Variants in CSMD1 observed in about 807,000 individuals in gnomAD.
The protein encoded by CSMD1 is CUB and Sushi multiple domains 1.
A neutral mutation model predicts 417.5 loss-of-function variants in CSMD1; 213 were observed. That is an observed-to-expected ratio of 0.51 (90% CI 0.46 to 0.57). The LOEUF (loss-of-function observed/expected upper bound fraction) is 0.57, where lower values mean the gene tolerates loss of function less well. CSMD1 is among the 20% of genes least tolerant of loss of function. The pLI is 0.00. For synonymous variants in CSMD1, 2,862 were observed against 1,736.8 expected, an observed-to-expected ratio of 1.65 and a Z score of -16.11; for missense variants, 6,923 against 4,529.7, an observed-to-expected ratio of 1.53 and a Z score of -15.17.
intron 4 of CSMD1, among the ~76,000 whole-genome samples, chr8:4,009,324 T>C (rs1286574947): frequency 6.6e-6 from 1 of 152,230 alleles, no homozygotes; most frequent in Non-Finnish European, 1.5e-5. Context: ...GGTATAAAAC[T>C]TGCTGGAAAT....
chr8:4,987,913 G>A (rs768315968), intron 1 of CSMD1, among the ~76,000 whole-genome samples: 4 of 152,142 alleles, frequency 2.6e-5, no homozygotes, highest in South Asian at 2.1e-4. Context: ...GTGGTTTTCC[G>A]GGGTGTCTTG....
intron 12 of CSMD1, among the ~76,000 whole-genome samples, chr8:3,416,302 CAAAAAAA>C (rs11358404): frequency 3.4e-5 from 2 of 58,892 alleles, no homozygotes; most frequent in African/African-American, 1.3e-4. Context: ...GACTCCGTCT[CAAAAAAA>C]AAAAAAAAAA....
At chr8:3,479,146 G>C (rs1196350512) in intron 11 of CSMD1, among the ~76,000 whole-genome samples, 1 of 152,092 alleles carries the variant, frequency 6.6e-6, no homozygotes, top group Non-Finnish European at 1.5e-5. Context: ...GCCTCCAATA[G>C]TCAAATTATC....
At chr8:3,954,497 G>C (rs936246111) in intron 5 of CSMD1, among the ~76,000 whole-genome samples, 6 of 152,186 alleles carry the variant, frequency 3.9e-5, no homozygotes, top group African/African-American at 9.7e-5. Context: ...TTCCTGAGTA[G>C]CTGGGATTAC....
chr8:4,842,230 A>T (rs1314889692), intron 1 of CSMD1, among the ~76,000 whole-genome samples: 1 of 152,224 alleles, frequency 6.6e-6, no homozygotes, highest in Non-Finnish European at 1.5e-5. Context: ...GAATTAAGGG[A>T]ACCAGGGAAG....
At chr8:4,712,556 T>C (rs1268426803) in intron 1 of CSMD1, among the ~76,000 whole-genome samples, 2 of 152,164 alleles carry the variant, frequency 1.3e-5, no homozygotes, top group Admixed American at 6.5e-5. Context: ...GTAAGTGAAA[T>C]AGAAGAGAAC....
intron 6 of CSMD1, 58 bp downstream of exon 6, chr8:3,753,872 G>C (rs987115136): frequency 8.0e-5 from 98 of 1,222,864 alleles, no homozygotes; most frequent in Non-Finnish European, 9.9e-5. Context: ...TGGCTAGAAA[G>C]GATCAAAATA....
At chr8:3,704,463 C>G (rs921543395) in intron 7 of CSMD1, among the ~76,000 whole-genome samples, 1 of 152,130 alleles carries the variant, frequency 6.6e-6, no homozygotes, top group Non-Finnish European at 1.5e-5. Context: ...AGGGACATAA[C>G]CACAACAACA....
intron 29 of CSMD1, among the ~76,000 whole-genome samples, chr8:3,218,245 T>C (rs1421403054): frequency 6.6e-6 from 1 of 152,088 alleles, no homozygotes; most frequent in Non-Finnish European, 1.5e-5. Context: ...ACAGATATGT[T>C]GACATGGAAA....
chr8:3,628,867 A>G (rs1584984978), intron 7 of CSMD1, among the ~76,000 whole-genome samples: 1 of 125,756 alleles, frequency 8.0e-6, no homozygotes, highest in South Asian at 2.6e-4. Context: ...AAATAATCTA[A>G]GTTTTTTTAA....
At chr8:4,665,416 AAC>A (rs1477488652) in intron 1 of CSMD1, among the ~76,000 whole-genome samples, 1 of 152,244 alleles carries the variant, frequency 6.6e-6, no homozygotes, top group Non-Finnish European at 1.5e-5. Flanking sequence ...TGTCACACAT[AAC>A]CATGAGTAAC....
chr8:3,477,866 A>T (rs1439099555), intron 11 of CSMD1, among the ~76,000 whole-genome samples: 1 of 152,196 alleles, frequency 6.6e-6, no homozygotes, highest in South Asian at 2.1e-4. Context: ...ATGTTTATTT[A>T]TATGATGTGT....
At chr8:4,607,618 C>G (rs901236267) in intron 2 of CSMD1, among the ~76,000 whole-genome samples, 4 of 152,004 alleles carry the variant, frequency 2.6e-5, no homozygotes, top group Admixed American at 2.0e-4. Context: ...CATGAGAGTT[C>G]TGGCGCCAGC....
At chr8:3,870,564 C>G (rs111906457) in intron 5 of CSMD1, among the ~76,000 whole-genome samples, 5,523 of 152,230 alleles carry the variant, frequency 0.036, 151 homozygotes, top group Non-Finnish European at 0.056. Flanking sequence ...AGCCATTTCT[C>G]TCCAACTATT....
At chr8:4,069,384 C>T (rs775628636) in intron 3 of CSMD1, among the ~76,000 whole-genome samples, 14 of 152,124 alleles carry the variant, frequency 9.2e-5, no homozygotes, top group African/African-American at 1.7e-4. Context: ...TTTATGCTTT[C>T]GTCTGTTTTC....
At chr8:4,968,214 A>C (rs1810007760) in intron 1 of CSMD1, among the ~76,000 whole-genome samples, 2 of 152,064 alleles carry the variant, frequency 1.3e-5, no homozygotes, top group Middle Eastern at 3.4e-3. Context: ...TTTTAGAATC[A>C]GGGTTTTGAT....
chr8:3,049,407 G>C (rs978367234), intron 50 of CSMD1, among the ~76,000 whole-genome samples: 14 of 152,094 alleles, frequency 9.2e-5, no homozygotes, highest in African/African-American at 3.1e-4. Context: ...GTACTAAAAA[G>C]AAATGAGAGC....
chr8:3,943,653 G>A (rs184863573), intron 5 of CSMD1, among the ~76,000 whole-genome samples: 1 of 151,970 alleles, frequency 6.6e-6, no homozygotes, highest in South Asian at 2.1e-4. Flanking sequence ...CAATTAATAG[G>A]ACAAGTCAAC....
At chr8:3,798,883 G>C (rs565180650) in intron 5 of CSMD1, among the ~76,000 whole-genome samples, 1 of 152,034 alleles carries the variant, frequency 6.6e-6, no homozygotes, top group South Asian at 2.1e-4. Context: ...TACAGACATA[G>C]TCAAGTTTAT....
Sources: allele counts gnomAD v4.1 joint callset (sites outside exome capture counted in the v4.1 genomes callset), GRCh38; gene constraint gnomAD v4.1.1; transcripts MANE v1.5; gene names NCBI Gene and HGNC (gene_info 2026-07-23, HGNC 2026-07-21).